Variants in PIAS1 observed in about 807,000 individuals in gnomAD.
The protein encoded by PIAS1 is protein inhibitor of activated STAT 1.
Under a neutral mutation model 71.3 loss-of-function variants are expected in PIAS1, and 6 were observed. The observed-to-expected ratio is 0.08, with a 90% CI of 0.05 to 0.17. PIAS1 has a LOEUF of 0.17. Among genes scored for constraint, PIAS1 ranks in the 10% least tolerant of loss-of-function variants. The pLI is 1.00. For missense variants in PIAS1, 555 were observed against 793.6 expected (o/e 0.70, Z 3.61); for synonymous variants, 303 against 292.9 (o/e 1.03, Z -0.35).
chr15:68,152,626 T>TA (rs1457819861), intron 6 of PIAS1, among the ~76,000 whole-genome samples: 4 of 152,216 alleles, frequency 2.6e-5, no homozygotes, highest in Non-Finnish European at 5.9e-5. Flanking sequence ...GTGCAAAGTT[T>TA]AAATGAAGTA....
intron 4 of PIAS1, 128 bp downstream of exon 4, chr15:68,142,465 C>A: frequency 1.4e-6 from 1 of 698,338 alleles, no homozygotes; most frequent in Non-Finnish European, 2.3e-6. Flanking sequence ...TATTCCTTAT[C>A]AGGAAGGGGA....
At chr15:68,073,511 TAAAC>T (rs995376751) in intron 1 of PIAS1, among the ~76,000 whole-genome samples, 33 of 152,282 alleles carry the variant, frequency 2.2e-4, no homozygotes, top group African/African-American at 7.5e-4. Flanking sequence ...TAAACTGAGT[TAAAC>T]AGGAGAGCAC....
intron 2 of PIAS1, among the ~76,000 whole-genome samples, chr15:68,100,527 G>A (rs1347697376): frequency 1.3e-5 from 2 of 152,158 alleles, no homozygotes; most frequent in African/African-American, 4.8e-5. Context: ...ATCATATAAT[G>A]TAGTTTCATT....
At chr15:68,145,043 T>C (rs539943923) in intron 4 of PIAS1, among the ~76,000 whole-genome samples, 1 of 152,168 alleles carries the variant, frequency 6.6e-6, no homozygotes, top group South Asian at 2.1e-4. Context: ...TAGGTGTATA[T>C]TGAGAATAGG....
intron 2 of PIAS1, among the ~76,000 whole-genome samples, chr15:68,095,312 C>G (rs990164875): frequency 1.2e-4 from 18 of 151,946 alleles, no homozygotes; most frequent in African/African-American, 4.1e-4. Flanking sequence ...CTTCGCTCAG[C>G]CTCCTGTGCA....
intron 11 of PIAS1, 65 bp from the exon 12 acceptor site, chr15:68,181,147 T>C (rs28455639): frequency 6.8e-7 from 1 of 1,463,896 alleles, no homozygotes; most frequent in Non-Finnish European, 9.4e-7. Flanking sequence ...ATACAACCCC[T>C]TTTTTTGTTA....
At chr15:68,145,096 A>C (rs1428503064) in intron 4 of PIAS1, among the ~76,000 whole-genome samples, 3 of 152,196 alleles carry the variant, frequency 2.0e-5, no homozygotes, top group Non-Finnish European at 4.4e-5. Flanking sequence ...AATAGTAATA[A>C]GAGTGAATAG....
intron 11 of PIAS1, among the ~76,000 whole-genome samples, chr15:68,179,630 C>G (rs1246013404): frequency 8.2e-6 from 1 of 122,498 alleles, no homozygotes; most frequent in African/African-American, 3.1e-5. Context: ...GGCTGGAGTG[C>G]AGTGGCACCA....
chr15:68,148,901 C>A (rs774197522), intron 6 of PIAS1, among the ~76,000 whole-genome samples: 2 of 151,648 alleles, frequency 1.3e-5, no homozygotes, highest in Non-Finnish European at 2.9e-5. Flanking sequence ...AGAGTGGTGG[C>A]GATAGAAATG....
In PIAS1 at chr15:68,167,374, TAA is replaced by T. The variant is rs2092964149; in HGVS notation, c.1008+2573_1008+2574del. 6.6e-6 allele frequency among the ~76,000 whole-genome samples: 1 copy of T among 152,202 alleles called. No individual in the cohort carries two copies. Among genetic ancestry groups the T allele is most frequent in the Non-Finnish European group, 1.5e-5 (1 of 68,036 alleles). The stretch of plus-strand genomic sequence containing the variant: ...CCTATATATCAAATTTATGGGATAA[TAA>T]AAGAGATTTGTGCTCTTTGAAATAT... On this transcript the variant is annotated intron_variant, in intron 8 of 13. Transcript: ENST00000249636. The surrounding 1 kb of genome is among the most constrained non-coding windows in gnomAD (Gnocchi z 4.4).
intron 2 of PIAS1, among the ~76,000 whole-genome samples, chr15:68,127,512 G>T (rs1178539831): frequency 1.3e-5 from 2 of 152,116 alleles, no homozygotes; most frequent in Non-Finnish European, 2.9e-5. Flanking sequence ...TTGAGGATGC[G>T]TTTTTCTTTG....
At chr15:68,070,954 T>G (rs1342352424) in intron 1 of PIAS1, among the ~76,000 whole-genome samples, 1 of 151,944 alleles carries the variant, frequency 6.6e-6, no homozygotes, top group Non-Finnish European at 1.5e-5. Flanking sequence ...AGTAGCACAT[T>G]TAAAATTACG....
chr15:68,124,406 G>T (rs376334926), intron 2 of PIAS1, among the ~76,000 whole-genome samples: 40 of 143,212 alleles, frequency 2.8e-4, no homozygotes, highest in Non-Finnish European at 4.7e-4. Flanking sequence ...GTTGTTTTTT[G>T]TTTTTTTTTT....
intron 2 of PIAS1, among the ~76,000 whole-genome samples, chr15:68,118,657 C>T (rs187747965): frequency 6.6e-6 from 1 of 152,178 alleles, no homozygotes; most frequent in Admixed American, 6.5e-5. Flanking sequence ...GATTTTTTGA[C>T]AGTAGCCATT....
intron 8 of PIAS1, 33 bp downstream of exon 8, chr15:68,164,837 GT>G: frequency 1.7e-6 from 2 of 1,142,988 alleles, no homozygotes; most frequent in South Asian, 1.5e-5. Flanking sequence ...TTTCCAGAAA[GT>G]TTAACATACA....
At chr15:68,183,556 T>C (rs2141104842) in intron 12 of PIAS1, 74 bp from the exon 13 acceptor site, 1 of 658,344 alleles carries the variant, frequency 1.5e-6, no homozygotes, top group East Asian at 2.9e-5. Context: ...TGTATTTGTT[T>C]TTGAAGTATT....
intron 1 of PIAS1, among the ~76,000 whole-genome samples, chr15:68,057,775 T>G (rs1037785005): frequency 5.3e-5 from 8 of 152,264 alleles, no homozygotes; most frequent in Admixed American, 2.0e-4. Flanking sequence ...TTTTGTTTTA[T>G]GTCATTATTT....
chr15:68,126,696 A>AT, intron 2 of PIAS1, among the ~76,000 whole-genome samples: 1 of 152,200 alleles, frequency 6.6e-6, no homozygotes, highest in Non-Finnish European at 1.5e-5. Flanking sequence ...AAATGCTGTA[A>AT]TTACAGGCAT....
intron 1 of PIAS1, among the ~76,000 whole-genome samples, chr15:68,080,310 C>CT (rs1327468059): frequency 3.9e-5 from 6 of 152,130 alleles, no homozygotes; most frequent in African/African-American, 1.4e-4. Flanking sequence ...AATGGGATCT[C>CT]TATTTATGTA....
Sources: allele counts gnomAD v4.1 joint callset (sites outside exome capture counted in the v4.1 genomes callset), GRCh38; gene constraint gnomAD v4.1.1; non-coding constraint Gnocchi (gnomAD v3.1); transcripts MANE v1.5; gene names NCBI Gene and HGNC (gene_info 2026-07-23, HGNC 2026-07-21).